The following CACNA2D3 variants were observed in gnomAD, a reference collection of about 807,000 sequenced individuals.
CACNA2D3 encodes voltage-dependent calcium channel subunit alpha-2/delta-3.
In CACNA2D3, 60 loss-of-function variants were observed where a neutral mutation model predicts 160.6. The observed-to-expected ratio is 0.37, with a 90% CI of 0.30 to 0.46. The LOEUF is 0.46. Among genes scored for constraint, CACNA2D3 ranks in the 20% least tolerant of loss-of-function variants. CACNA2D3 has a pLI of 1.00. For missense variants in CACNA2D3, 1,205 were observed against 1,365.0 expected (o/e 0.88, Z 1.85); for synonymous variants, 558 against 492.9 (o/e 1.13, Z -1.75).
In CACNA2D3 at chr3:54,569,839, T is replaced by G; in HGVS notation, c.721T>G (p.Cys241Gly). 6.2e-7 allele frequency: 1 copy of G among 1,608,722 alleles called. No individual in the cohort carries two copies. The highest frequency in any genetic ancestry group is 8.5e-7 in the Non-Finnish European group (1 of 1,177,292). ...PDENGVIAFD[C>G]RNRKWYIQAA... Reference sequence around the variant, plus strand: ...TGAGAATGGAGTCATTGCCTTCGACTGCAGGAACCGAAAATGGTAGGCAGT... The same window carrying G: ...TGAGAATGGAGTCATTGCCTTCGACGGCAGGAACCGAAAATGGTAGGCAGT... The change falls in exon 7 of 38, where the codon TGC becomes GGC. Residue 241 changes from cysteine (C) to glycine (G), a missense_variant. By Grantham distance (159) the Cys-to-Gly change is radical (BLOSUM62 -3). Transcript: ENST00000474759.
intron 2 of CACNA2D3, among the ~76,000 whole-genome samples, chr3:54,206,697 AC>A (rs1467564230): frequency 6.6e-6 from 1 of 152,146 alleles, no homozygotes; most frequent in East Asian, 1.9e-4. Context: ...AGTAAGCTAT[AC>A]CAGTAAGCTT....
At chr3:54,652,868 C>T (rs987905824) in intron 11 of CACNA2D3, among the ~76,000 whole-genome samples, 10 of 150,726 alleles carry the variant, frequency 6.6e-5, no homozygotes, top group African/African-American at 9.8e-5. Context: ...CTGTAACCTC[C>T]GCCTCCTGGA....
intron 16 of CACNA2D3, among the ~76,000 whole-genome samples, chr3:54,839,825 C>G (rs1033640284): frequency 5.3e-5 from 8 of 152,150 alleles, no homozygotes; most frequent in African/African-American, 1.4e-4. Context: ...GGACAAGTCC[C>G]TCCAATCCCT....
chr3:55,055,201 G>GT (rs1435834464), intron 35 of CACNA2D3, among the ~76,000 whole-genome samples: 1 of 152,016 alleles, frequency 6.6e-6, no homozygotes, highest in African/African-American at 2.4e-5. Context: ...GGTGTTACAT[G>GT]TAAGTCTTTA....
intron 2 of CACNA2D3, among the ~76,000 whole-genome samples, chr3:54,260,941 C>G (rs1295331450): frequency 1.3e-5 from 2 of 152,198 alleles, no homozygotes; most frequent in Non-Finnish European, 2.9e-5. Context: ...TCCTCCAGTT[C>G]AGCTTGTCTG....
intron 2 of CACNA2D3, among the ~76,000 whole-genome samples, chr3:54,217,273 C>A (rs572705547): frequency 2.2e-4 from 33 of 152,216 alleles, no homozygotes; most frequent in African/African-American, 7.2e-4. Flanking sequence ...GCTTGGGAGC[C>A]TCTGCCGCCT....
At chr3:54,471,859 C>T (rs1344759882) in intron 4 of CACNA2D3, among the ~76,000 whole-genome samples, 8 of 152,148 alleles carry the variant, frequency 5.3e-5, no homozygotes, top group African/African-American at 7.2e-5. Context: ...AGGAAGAAGT[C>T]GAATCCCTAA....
intron 11 of CACNA2D3, among the ~76,000 whole-genome samples, chr3:54,700,773 G>A (rs974260711): frequency 1.3e-5 from 2 of 152,178 alleles, no homozygotes; most frequent in Non-Finnish European, 1.5e-5. Context: ...CTTTCCAGGA[G>A]TTGCCTCATG....
chr3:55,002,530 A>G (rs1703005664), intron 31 of CACNA2D3, among the ~76,000 whole-genome samples: 1 of 152,188 alleles, frequency 6.6e-6, no homozygotes, highest in African/African-American at 2.4e-5. Context: ...GGGCTGTGTC[A>G]ATGGTGAGAG....
In CACNA2D3 at chr3:54,976,578, C is replaced by A. The variant is rs977413222; in HGVS notation, c.2556+6734C>A. On this transcript the variant is annotated intron_variant, in intron 29 of 37. Coordinates refer to ENST00000474759, the MANE Select transcript of CACNA2D3 (RefSeq NM_018398.3). Reference sequence around the variant, plus strand: ...TGTGAAAAGTGAGGTTTTCATGAGTCGATGTCCTCCTGTAGCTGCCATCCT... The same window carrying A: ...TGTGAAAAGTGAGGTTTTCATGAGTAGATGTCCTCCTGTAGCTGCCATCCT... Among the ~76,000 whole-genome samples the A allele has an allele frequency of 2.0e-5, 3 of 152,074 alleles. No individual in the cohort carries two copies. The East Asian group carries it at 5.8e-4, about 29-fold the overall frequency.
chr3:54,204,572 G>A (rs532571461), intron 2 of CACNA2D3, among the ~76,000 whole-genome samples: 29 of 152,124 alleles, frequency 1.9e-4, no homozygotes, highest in Non-Finnish European at 4.1e-4. Context: ...CAAGGTGGGC[G>A]GATCACGAGG....
At chr3:54,708,562 A>T (rs1372412156) in intron 11 of CACNA2D3, among the ~76,000 whole-genome samples, 1 of 152,188 alleles carries the variant, frequency 6.6e-6, no homozygotes, top group Admixed American at 6.5e-5. Context: ...ACAAAGCTGG[A>T]ATCTTAGCAT....
At chr3:54,710,578 C>G (rs1700935379) in intron 11 of CACNA2D3, among the ~76,000 whole-genome samples, 1 of 152,098 alleles carries the variant, frequency 6.6e-6, no homozygotes, top group Non-Finnish European at 1.5e-5. Context: ...AGAATTTAGC[C>G]ACATGGACCC....
chr3:54,672,075 C>T (rs1191209967), intron 11 of CACNA2D3, among the ~76,000 whole-genome samples: 2 of 152,178 alleles, frequency 1.3e-5, no homozygotes, highest in Non-Finnish European at 2.9e-5. Flanking sequence ...GGTCCTTGTC[C>T]TGCTTGAGAT....
intron 9 of CACNA2D3, among the ~76,000 whole-genome samples, chr3:54,607,757 T>G (rs1460640978): frequency 6.6e-6 from 1 of 152,170 alleles, no homozygotes; most frequent in Non-Finnish European, 1.5e-5. Context: ...AAAAATTATG[T>G]TTATACAAAG....
chr3:54,658,304 G>T (rs1215038222), intron 11 of CACNA2D3, among the ~76,000 whole-genome samples: 1 of 152,146 alleles, frequency 6.6e-6, no homozygotes, highest in Non-Finnish European at 1.5e-5. Context: ...CACCAACAGG[G>T]CACAAGTGTT....
At chr3:54,518,393 A>G (rs1258204121) in intron 5 of CACNA2D3, among the ~76,000 whole-genome samples, 3 of 152,126 alleles carry the variant, frequency 2.0e-5, no homozygotes, top group Admixed American at 2.0e-4. Context: ...GAGAGAGGGA[A>G]AGCAAGAGCA....
At chr3:54,604,861 C>T (rs1703136802) in intron 9 of CACNA2D3, among the ~76,000 whole-genome samples, 1 of 152,190 alleles carries the variant, frequency 6.6e-6, no homozygotes, top group Non-Finnish European at 1.5e-5. Flanking sequence ...GTCAACATCT[C>T]ATGAAGGCCG....
intron 3 of CACNA2D3, among the ~76,000 whole-genome samples, chr3:54,353,840 G>A (rs1262758974): frequency 1.3e-5 from 2 of 152,180 alleles, no homozygotes; most frequent in East Asian, 3.9e-4. Context: ...TCCAGGAGAG[G>A]TGCAGAAGCC....
Sources: allele counts gnomAD v4.1 joint callset (sites outside exome capture counted in the v4.1 genomes callset), GRCh38; gene constraint gnomAD v4.1.1; transcripts MANE v1.5; gene names NCBI Gene and HGNC (gene_info 2026-07-23, HGNC 2026-07-21).